CMSS1: variants seen among roughly 807,000 people sequenced by gnomAD.
CMSS1 encodes protein CMSS1.
In CMSS1, 33 loss-of-function variants were observed where a neutral mutation model predicts 43.5. The observed-to-expected ratio is 0.76, with a 90% confidence interval of 0.57 to 1.01. The LOEUF is 1.01. Among genes scored for constraint, CMSS1 ranks in the 50% least tolerant of loss-of-function variants. CMSS1 has a pLI of 0.00. For synonymous variants in CMSS1, 115 were observed against 117.2 expected (o/e 0.98, Z 0.12); for missense variants, 313 against 326.4 (o/e 0.96, Z 0.32).
chr3:100,081,628 A>G (rs993513164), intron 1 of CMSS1, among the ~76,000 whole-genome samples: 1 of 152,222 alleles, frequency 6.6e-6, no homozygotes, highest in South Asian at 2.1e-4. Flanking sequence ...ATGCCAGTAT[A>G]GTGTGATTTT....
rs531832194 is a variant in CMSS1 at position 99,943,699 on chromosome 3, G to A, written c.64+125656G>A. ...AGCCTGGGCAACAGAATGAGACTCCGTCTCAAAAAAAAAAAAATTACATCT... is the reference window on the plus strand; with the variant it reads ...AGCCTGGGCAACAGAATGAGACTCCATCTCAAAAAAAAAAAAATTACATCT... On this transcript the variant is annotated intron_variant, in intron 1 of 9. Transcript: ENST00000421999. Among the ~76,000 whole-genome samples the A allele has an allele frequency of 4.0e-5, 6 of 151,238 alleles. No homozygotes were observed. In the South Asian group the frequency reaches 1.0e-3, roughly 26 times the overall value.
chr3:100,162,820 C>CAAA (rs1276650647), intron 4 of CMSS1, among the ~76,000 whole-genome samples: 2 of 151,910 alleles, frequency 1.3e-5, no homozygotes, highest in African/African-American at 4.8e-5. Flanking sequence ...CTAAAAAATA[C>CAAA]AAAAATTAGC....
rs112620302 is a variant in CMSS1 at position 100,178,076 on chromosome 3, G to A, written c.757-229G>A. Among the ~76,000 whole-genome samples the A allele has an allele frequency of 8.4e-4, 128 of 152,234 alleles. 1 individual carries two copies. Among genetic ancestry groups the A allele is most frequent in the African/African-American group, 2.8e-3 (117 of 41,540 alleles). On this transcript the variant is annotated intron_variant, in intron 9 of 9. Transcript: ENST00000421999. ...AGAGATAGCAGTTAGCCGAGATCAC[G>A]CCACTGCACTCCAGCATGGGCAACA... is the stretch of plus-strand genomic sequence containing the variant.
At chr3:100,012,930 A>G (rs540646981) in intron 1 of CMSS1, among the ~76,000 whole-genome samples, 1 of 151,384 alleles carries the variant, frequency 6.6e-6, no homozygotes, top group Non-Finnish European at 1.5e-5. Context: ...GTGCCACCAC[A>G]CCCAACCAAT....
Position 99,909,983 on chromosome 3 carries a change from T to TAACTA in CMSS1, c.64+91940_64+91941insAACTA. Among the ~76,000 whole-genome samples, 4 of 138,462 alleles carry TAACTA rather than the reference T, an allele frequency of 2.9e-5. 1 individual carries two copies. Among genetic ancestry groups the TAACTA allele is most frequent in the Non-Finnish European group, 6.6e-5 (4 of 60,272 alleles). The allele number at this position is 138,462 out of a possible 152,430, so 90.8% of individuals were successfully genotyped here. ...AGAAATTTCAGTTCTCGGGGCAAAA[T>TAACTA]GTGTATTCAGAGCTGAAATTTTGTT... On this transcript the variant is annotated intron_variant, in intron 1 of 9. Coordinates refer to ENST00000421999, the MANE Select transcript of CMSS1 (RefSeq NM_032359.4).
intron 1 of CMSS1, among the ~76,000 whole-genome samples, chr3:100,129,724 T>G (rs147929888): frequency 6.6e-6 from 1 of 152,212 alleles, no homozygotes; most frequent in Non-Finnish European, 1.5e-5. Context: ...CTTTACACTG[T>G]ATTCAGAGAA....
intron 1 of CMSS1, among the ~76,000 whole-genome samples, chr3:99,841,194 C>G (rs532706843): frequency 6.6e-6 from 1 of 152,198 alleles, no homozygotes. Context: ...GCATAAGGAT[C>G]GTTTCCACTC....
intron 1 of CMSS1, among the ~76,000 whole-genome samples, chr3:100,120,340 G>T (rs936235886): frequency 6.6e-6 from 1 of 152,170 alleles, no homozygotes; most frequent in South Asian, 2.1e-4. Flanking sequence ...AATAGGCACT[G>T]GTTCTCTGAA....
chr3:100,057,702 C>T (rs887951316), intron 1 of CMSS1, among the ~76,000 whole-genome samples: 3 of 152,080 alleles, frequency 2.0e-5, no homozygotes, highest in South Asian at 2.1e-4. Flanking sequence ...CCTGCTTGCC[C>T]GGGTGTTTCA....
chr3:99,944,592 A>T (rs1018767481), intron 1 of CMSS1, among the ~76,000 whole-genome samples: 1 of 152,256 alleles, frequency 6.6e-6, no homozygotes, highest in Non-Finnish European at 1.5e-5. Context: ...TATGGGTTAA[A>T]GTAACCGAAA....
At chr3:100,048,387 G>A (rs1185910304) in intron 1 of CMSS1, among the ~76,000 whole-genome samples, 1 of 152,198 alleles carries the variant, frequency 6.6e-6, no homozygotes, top group Non-Finnish European at 1.5e-5. Context: ...GCTGCTTGAA[G>A]CATTTGCTTG....
At chr3:100,078,440 C>A (rs2107395786) in intron 1 of CMSS1, among the ~76,000 whole-genome samples, 1 of 152,162 alleles carries the variant, frequency 6.6e-6, no homozygotes, top group Admixed American at 6.5e-5. Flanking sequence ...CATAGCAAAC[C>A]ACTCCAAAAT....
intron 1 of CMSS1, among the ~76,000 whole-genome samples, chr3:99,887,572 C>A (rs1328295345): frequency 6.6e-6 from 1 of 152,102 alleles, no homozygotes; most frequent in Non-Finnish European, 1.5e-5. Context: ...TACAGACAGT[C>A]GGGTGCCATC....
intron 1 of CMSS1, among the ~76,000 whole-genome samples, chr3:99,880,682 A>T (rs1007655372): frequency 6.6e-6 from 1 of 152,048 alleles, no homozygotes; most frequent in African/African-American, 2.4e-5. Flanking sequence ...TTTTAAAATT[A>T]ATTTAAAATT....
chr3:100,040,373 C>T (rs1393259277), intron 1 of CMSS1: 1 of 152,164 alleles, frequency 6.6e-6, no homozygotes, highest in African/African-American at 2.4e-5. Context: ...GTTCTCTCCC[C>T]GAGAATCATT....
chr3:99,964,160 T>G (rs1195283656), intron 1 of CMSS1, among the ~76,000 whole-genome samples: 2 of 151,868 alleles, frequency 1.3e-5, no homozygotes, highest in African/African-American at 2.4e-5. Flanking sequence ...GTACATTGAG[T>G]TTTTATAAGC....
chr3:99,851,783 A>G (rs1209083609), intron 1 of CMSS1, among the ~76,000 whole-genome samples: 3 of 152,222 alleles, frequency 2.0e-5, no homozygotes, highest in Non-Finnish European at 4.4e-5. Context: ...CTCTGTGCCA[A>G]TTAAAACTTG....
intron 1 of CMSS1, among the ~76,000 whole-genome samples, chr3:100,032,209 T>G (rs2065033499): frequency 6.6e-6 from 1 of 152,134 alleles, no homozygotes; most frequent in Non-Finnish European, 1.5e-5. Context: ...GTAGAGGAAA[T>G]TATTGATATG....
chr3:100,154,031 G>A (rs1209226356), intron 2 of CMSS1, among the ~76,000 whole-genome samples: 4 of 151,652 alleles, frequency 2.6e-5, no homozygotes, highest in Non-Finnish European at 5.9e-5. Flanking sequence ...TTGTATTTTT[G>A]TAGAGACGGG....
Sources: gnomAD v4.1 joint callset for allele counts (sites outside exome capture counted in the v4.1 genomes callset) on GRCh38, gnomAD v4.1.1 for gene constraint, MANE v1.5 for transcripts, NCBI Gene and HGNC (gene_info 2026-07-23, HGNC 2026-07-21) for gene names.